The following MYO1D variants were observed in gnomAD, a reference collection of about 807,000 sequenced individuals.
MYO1D encodes the protein unconventional myosin-Id.
MYO1D carries 83 observed loss-of-function variants against 122.0 expected under a neutral mutation model. The observed-to-expected ratio is 0.68, with a 90% confidence interval of 0.57 to 0.82. MYO1D has a LOEUF of 0.82. Among genes scored for constraint, MYO1D ranks in the 40% least tolerant of loss-of-function variants. The pLI is 0.00. For synonymous variants in MYO1D, 464 were observed against 446.9 expected, an observed-to-expected ratio of 1.04 and a Z score of -0.48; for missense variants, 1,157 against 1,269.5, an observed-to-expected ratio of 0.91 and a Z score of 1.35.
At position 32,636,952 on chromosome 17, in the gene MYO1D, G is replaced by A. The variant is rs148430720; in HGVS notation, c.2709+1770C>T. 1.1e-3 allele frequency among the ~76,000 whole-genome samples: 171 copies of A among 152,272 alleles called. 1 individual carries two copies. Among genetic ancestry groups the A allele is most frequent in the African/African-American group, 3.9e-3 (161 of 41,564 alleles). On this transcript the variant is annotated intron_variant, in intron 20 of 21. Transcript: ENST00000318217. ...GGGTGTTGACAGCATCTGCAACGGG[G>A]TGTATCCATCCCACTGACGTTTTAC...
chr17:32,529,875 C>G (rs999846702), intron 21 of MYO1D: 1 of 152,156 alleles, frequency 6.6e-6, no homozygotes, highest in Non-Finnish European at 1.5e-5. Context: ...TAAACAAACA[C>G]GGGGAGCCAG....
At chr17:32,682,350 T>C (rs1402954953) in intron 16 of MYO1D, among the ~76,000 whole-genome samples, 1 of 150,396 alleles carries the variant, frequency 6.6e-6, no homozygotes, top group African/African-American at 2.5e-5. Context: ...CTAGTCTCGA[T>C]GGTCTTTACA....
At chr17:32,789,847 G>T (rs926450953) in intron 1 of MYO1D, among the ~76,000 whole-genome samples, 10 of 152,170 alleles carry the variant, frequency 6.6e-5, no homozygotes, top group African/African-American at 1.7e-4. Flanking sequence ...GACGGTTTTG[G>T]GGGGTATTGC....
chr17:32,661,918 C>T (rs2088571390), intron 16 of MYO1D, among the ~76,000 whole-genome samples: 1 of 152,110 alleles, frequency 6.6e-6, no homozygotes, highest in Non-Finnish European at 1.5e-5. Flanking sequence ...CATTGCTGTG[C>T]TAAGAAGTAT....
At chr17:32,714,845 A>G (rs1777702746) in intron 15 of MYO1D, among the ~76,000 whole-genome samples, 1 of 152,228 alleles carries the variant, frequency 6.6e-6, no homozygotes, top group Non-Finnish European at 1.5e-5. Flanking sequence ...TCTACACAAC[A>G]AACGAAATTA....
At chr17:32,598,151 A>G (rs1308436636) in intron 21 of MYO1D, among the ~76,000 whole-genome samples, 1 of 152,130 alleles carries the variant, frequency 6.6e-6, no homozygotes, top group Non-Finnish European at 1.5e-5. Flanking sequence ...GGGCGGGTGG[A>G]CTGCTTGAGG....
chr17:32,494,596 T>C lies in MYO1D; in HGVS notation c.*163A>G, dbSNP rs1909017065. 1.2e-6 allele frequency: 1 copy of C among 847,284 alleles called. No individual in the cohort carries two copies. 52.5% of individuals were successfully genotyped at this position (847,284 alleles called of 1,614,324 possible). A position where few individuals can be genotyped will look rare whatever the true frequency, so the allele number is the denominator to read the frequency against. ...GGACAGTAAGGACAGAGGAAGATGATACCAAAGGCAGAAAACCAGGAAGGA... is the reference window on the plus strand; with the variant it reads ...GGACAGTAAGGACAGAGGAAGATGACACCAAAGGCAGAAAACCAGGAAGGA... On this transcript the variant is annotated 3_prime_UTR_variant, in exon 22 of 22. Coordinates refer to ENST00000318217, the MANE Select transcript of MYO1D (RefSeq NM_015194.3).
intron 19 of MYO1D, among the ~76,000 whole-genome samples, chr17:32,652,968 C>T (rs987432404): frequency 5.3e-5 from 8 of 152,106 alleles, no homozygotes; most frequent in East Asian, 3.9e-4. Context: ...GGTGAAACCC[C>T]GTCTCTACTA....
At chr17:32,849,464 A>C (rs1598153749) in intron 1 of MYO1D, among the ~76,000 whole-genome samples, 1 of 150,158 alleles carries the variant, frequency 6.7e-6, no homozygotes, top group Non-Finnish European at 1.5e-5. Context: ...GCACATATAC[A>C]CCATGGAATA....
chr17:32,549,387 C>A (rs1002592013), intron 21 of MYO1D, among the ~76,000 whole-genome samples: 3 of 152,186 alleles, frequency 2.0e-5, no homozygotes, highest in Non-Finnish European at 4.4e-5. Context: ...TGAGCCACTG[C>A]ACCCTCCCTC....
intron 21 of MYO1D, chr17:32,505,079 A>T (rs1455283522): frequency 6.6e-6 from 1 of 152,304 alleles, no homozygotes; most frequent in Non-Finnish European, 1.5e-5. Context: ...CTGCCCCAGC[A>T]CAGGGGCAGA....
chr17:32,660,781 T>C (rs967838436), intron 16 of MYO1D, among the ~76,000 whole-genome samples: 2 of 152,214 alleles, frequency 1.3e-5, no homozygotes, highest in Non-Finnish European at 2.9e-5. Flanking sequence ...CTCCCTTCCT[T>C]GTAGCCAAAT....
At chr17:32,534,310 G>A (rs534963788) in intron 21 of MYO1D, among the ~76,000 whole-genome samples, 1 of 152,062 alleles carries the variant, frequency 6.6e-6, no homozygotes, top group African/African-American at 2.4e-5. Context: ...GGAACTACAG[G>A]CATGTGCCAC....
At chr17:32,819,944 G>A (rs2151056922) in intron 1 of MYO1D, among the ~76,000 whole-genome samples, 1 of 152,308 alleles carries the variant, frequency 6.6e-6, no homozygotes, top group East Asian at 1.9e-4. Context: ...AAAACTGACT[G>A]AGTTAAACTT....
chr17:32,504,062 A>G (rs947905376), intron 21 of MYO1D, among the ~76,000 whole-genome samples: 20 of 152,160 alleles, frequency 1.3e-4, no homozygotes, highest in African/African-American at 4.8e-4. Context: ...CTGGTGAGGA[A>G]TGGGGCAAAA....
chr17:32,842,715 C>T (rs1191691114), intron 1 of MYO1D, among the ~76,000 whole-genome samples: 8 of 152,060 alleles, frequency 5.3e-5, no homozygotes, highest in Admixed American at 5.2e-4. Context: ...CTTCCACATT[C>T]TATGCGCTCA....
chr17:32,515,543 C>T (rs181081200), intron 21 of MYO1D, among the ~76,000 whole-genome samples: 1 of 152,308 alleles, frequency 6.6e-6, no homozygotes, highest in East Asian at 1.9e-4. Flanking sequence ...CCTCTTGCCT[C>T]AGCCTCCCAA....
chr17:32,575,198 A>G (rs79886469), intron 21 of MYO1D, among the ~76,000 whole-genome samples: 1,526 of 152,348 alleles, frequency 0.01, 10 homozygotes, highest in Non-Finnish European at 0.016. Context: ...GTAAAACTCA[A>G]ATTATTAGCA....
intron 21 of MYO1D, chr17:32,505,779 G>A (rs1909483208): frequency 6.6e-6 from 1 of 152,220 alleles, no homozygotes; most frequent in African/African-American, 2.4e-5. Context: ...AGAATACCCA[G>A]AGAGAAAAGA....
Sources: gnomAD v4.1 joint callset for allele counts (sites outside exome capture counted in the v4.1 genomes callset) on GRCh38, gnomAD v4.1.1 for gene constraint, MANE v1.5 for transcripts, NCBI Gene and HGNC (gene_info 2026-07-23, HGNC 2026-07-21) for gene names.